Variants in NIPAL4 observed in about 807,000 individuals in gnomAD.
NIPAL4 encodes magnesium transporter NIPA4.
A neutral mutation model predicts 31.6 loss-of-function variants in NIPAL4; 21 were observed. The observed-to-expected ratio is 0.67, with a 90% CI of 0.47 to 0.96. The LOEUF is 0.96. Among genes scored for constraint, NIPAL4 ranks in the 40% least tolerant of loss-of-function variants. The pLI is 0.00. For synonymous variants in NIPAL4, 175 were observed against 211.1 expected (o/e 0.83, Z 1.48); for missense variants, 438 against 508.0 (o/e 0.86, Z 1.32).
chr5:157,472,830 C>A lies in NIPAL4; in HGVS notation c.1085C>A (p.Pro362Gln). ...CASLPHMHKN[P>Q]PPSPAPEPTV... ...AGCTTGCCCCACATGCACAAAAACC[C>A]ACCCCCTTCTCCCGCCCCGGAACCC... Residue 362 changes from proline to glutamine, a missense_variant, in exon 6 of 6, where the codon CCA (proline) becomes CAA (glutamine). Transcript: ENST00000311946. The A allele has an allele frequency of 6.3e-7, 1 of 1,596,182 alleles. No individual in the cohort carries two copies. Among genetic ancestry groups the A allele is most frequent in the Non-Finnish European group, 8.6e-7 (1 of 1,168,300 alleles).
chr5:157,468,831 GCT>G lies in NIPAL4; in HGVS notation c.425+26_425+27del. The G allele has an allele frequency of 6.6e-7, 1 of 1,514,640 alleles. No individual in the cohort carries two copies. Among genetic ancestry groups the G allele is most frequent in the Non-Finnish European group, 9.0e-7 (1 of 1,108,174 alleles). 93.8% of individuals were successfully genotyped at this position (1,514,640 alleles called of 1,614,324 possible). ...TCATAAGGTTATTGTCCCCTCTCTA[GCT>G]CTCTCTTTTTCTATTCCGTTTTCAG... is the stretch of plus-strand genomic sequence containing the variant. On this transcript the variant is annotated intron_variant, in intron 4 of 5. Transcript: ENST00000311946.
rs368885385 is a variant in NIPAL4 at position 157,472,531 on chromosome 5, G to A, written c.786G>A (p.Pro262=). The A allele has an allele frequency of 2.4e-5, 38 of 1,613,670 alleles. No homozygotes were observed. The highest frequency in any genetic ancestry group is 1.6e-4 in the Middle Eastern group (1 of 6,082). The part of the protein sequence containing the change: ...FFQGLPVVRH[P]LPYILSLILA... ...AGGGGCTGCCAGTTGTCCGGCACCC[G>A]CTCCCCTACATCCTGTCCCTCATCC... is the stretch of plus-strand genomic sequence containing the variant. The change falls in exon 6 of 6, where the codon CCG becomes CCA. Residue 262 remains proline, a synonymous_variant. Coordinates refer to ENST00000311946, the MANE Select transcript of NIPAL4 (RefSeq NM_001099287.2).
At chr5:157,464,213 T>C (rs1348151650) in intron 2 of NIPAL4, among the ~76,000 whole-genome samples, 1 of 151,998 alleles carries the variant, frequency 6.6e-6, no homozygotes, top group Non-Finnish European at 1.5e-5. Flanking sequence ...GCAGAAGGAA[T>C]AACACGTGCA....
At chr5:157,466,434 G>A (rs1754274964) in intron 2 of NIPAL4, among the ~76,000 whole-genome samples, 1 of 152,194 alleles carries the variant, frequency 6.6e-6, no homozygotes, top group African/African-American at 2.4e-5. Flanking sequence ...AATCTGATTT[G>A]CATTCTTAAA....
At chr5:157,466,376 C>T (rs755597630) in intron 2 of NIPAL4, among the ~76,000 whole-genome samples, 1 of 152,166 alleles carries the variant, frequency 6.6e-6, no homozygotes, top group Non-Finnish European at 1.5e-5. Flanking sequence ...GGTCTTTATC[C>T]TGAGAGCACT....
At chr5:157,465,656 A>G (rs556425473) in intron 2 of NIPAL4, among the ~76,000 whole-genome samples, 3 of 152,282 alleles carry the variant, frequency 2.0e-5, no homozygotes, top group African/African-American at 7.2e-5. Flanking sequence ...ATCAACTAAA[A>G]TTAAGAACAA....
Position 157,463,341 on chromosome 5 carries a change from C to A in NIPAL4, c.277+8C>A. 6.2e-7 allele frequency: 1 copy of A among 1,602,094 alleles called. No individual in the cohort carries two copies. The highest frequency in any genetic ancestry group is 1.1e-5 in the South Asian group (1 of 89,156). On this transcript the variant is annotated splice_region_variant and intron_variant, in intron 2 of 5. Coordinates refer to ENST00000311946, the MANE Select transcript of NIPAL4 (RefSeq NM_001099287.2). ...CGGGAGCCACTCGAGCTGGTAGGTT[C>A]CTGGGCCAGGAGAGGATAGGGCCCA...
rs1270227960 is a variant in NIPAL4, at chr5:157,462,421, G to A, written c.38-673G>A. 2.0e-5 allele frequency among the ~76,000 whole-genome samples: 3 copies of A among 152,174 alleles called. No homozygotes were observed. In the East Asian group the frequency reaches 5.8e-4, roughly 29 times the overall value. ...TAATCTTAGTGCTTTGGGAGGCTGA[G>A]GCAGGAGGATAGCTTGAGGCTAGGA... On this transcript the variant is annotated intron_variant, in intron 1 of 5. Transcript: ENST00000311946.
intron 1 of NIPAL4, among the ~76,000 whole-genome samples, chr5:157,461,103 G>A (rs199535628): frequency 6.6e-6 from 1 of 152,186 alleles, no homozygotes; most frequent in East Asian, 1.9e-4. Context: ...TGGAACTGCA[G>A]GCTGTGGCAT....
intron 1 of NIPAL4, among the ~76,000 whole-genome samples, chr5:157,460,900 C>G (rs1350030574): frequency 6.6e-6 from 1 of 152,172 alleles, no homozygotes; most frequent in East Asian, 1.9e-4. Flanking sequence ...CTTAAAACAA[C>G]TCTAGAAGGT....
At chr5:157,471,608 T>G (rs1045526445) in intron 4 of NIPAL4, 49 bp from the exon 5 acceptor site, 8 of 1,505,506 alleles carry the variant, frequency 5.3e-6, no homozygotes, top group Non-Finnish European at 7.3e-6. Flanking sequence ...TTTGGGACTC[T>G]GGGACAGGCA....
Position 157,460,230 on chromosome 5 carries a change from C to A in NIPAL4, c.-91C>A. The A allele has an allele frequency of 6.6e-7, 1 of 1,504,422 alleles. No individual in the cohort carries two copies. The highest frequency in any genetic ancestry group is 8.9e-7 in the Non-Finnish European group (1 of 1,129,392). The allele number at this position is 1,504,422 out of a possible 1,614,324, so 93.2% of individuals were successfully genotyped here. A position where few individuals can be genotyped will look rare whatever the true frequency, so the allele number is the denominator to read the frequency against. On this transcript the variant is annotated 5_prime_UTR_variant, in exon 1 of 6. Coordinates refer to ENST00000311946, the MANE Select transcript of NIPAL4 (RefSeq NM_001099287.2). ...ACCCCGGCGGCTTCTCGCGCGCGAG[C>A]CACGCGGGGGACAAGTCGCGGCCAC...
chr5:157,468,175 A>C (rs1337267874), intron 3 of NIPAL4, among the ~76,000 whole-genome samples: 1 of 151,192 alleles, frequency 6.6e-6, no homozygotes, highest in African/African-American at 2.4e-5. Flanking sequence ...TCGGCCTCCC[A>C]AAGTGCTGGG....
rs1754470849 is a variant in NIPAL4 at position 157,472,570 on chromosome 5, C to T, written c.825C>T (p.Leu275=). The T allele has an allele frequency of 6.2e-7, 1 of 1,613,932 alleles. No individual in the cohort carries two copies. Residue 275 remains leucine (L), a synonymous_variant, in exon 6 of 6, where the codon CTC becomes CTT. Coordinates refer to ENST00000311946, the MANE Select transcript of NIPAL4 (RefSeq NM_001099287.2). ...TGTCCCTCATCCTGGCACTGTCCCT[C>T]AGCACTCAGGTCAACTTCCTCAACA... The part of the protein sequence containing the change: ...YILSLILALS[L]STQVNFLNRA...
chr5:157,460,454 C>A, intron 1 of NIPAL4, 97 bp downstream of exon 1: 2 of 1,274,764 alleles, frequency 1.6e-6, no homozygotes, highest in Non-Finnish European at 1.1e-6. Flanking sequence ...CCCAGGGGGG[C>A]CAAAGCTGGG....
rs1754297152 is a variant in NIPAL4 at position 157,467,115 on chromosome 5, T to C, written c.334+10T>C. Reference sequence around the variant, plus strand: ...GCTGGATTTCTCACCAGTAAGTGGGTTGTTTGTTACTAATAACAGTGGCCT... The same window carrying C: ...GCTGGATTTCTCACCAGTAAGTGGGCTGTTTGTTACTAATAACAGTGGCCT... On this transcript the variant is annotated intron_variant, in intron 3 of 5. Transcript: ENST00000311946. The C allele has an allele frequency of 6.2e-7, 1 of 1,607,498 alleles. No homozygotes were observed. Among genetic ancestry groups the C allele is most frequent in the Non-Finnish European group, 8.5e-7 (1 of 1,174,230 alleles).
intron 3 of NIPAL4, 154 bp downstream of exon 3, chr5:157,467,259 A>C (rs937935529): frequency 4.6e-6 from 3 of 657,528 alleles, no homozygotes; most frequent in Non-Finnish European, 8.4e-6. Flanking sequence ...CTTTACAGGG[A>C]GAACATCTTA....
In NIPAL4 at chr5:157,474,049, G is replaced by A. The variant is rs1013629779; in HGVS notation, c.*1089G>A. ...AAACGAGCTCAGGGGTAATTTCTGG[G>A]TTGCAGCCTTAAAGGCTTGGACAGC... On this transcript the variant is annotated 3_prime_UTR_variant, in exon 6 of 6. Transcript: ENST00000311946. 1 of 152,260 alleles carries A rather than the reference G, an allele frequency of 6.6e-6. No individual in the cohort carries two copies. Among genetic ancestry groups the A allele is most frequent in the Non-Finnish European group, 1.5e-5 (1 of 68,110 alleles). The allele number at this position is 152,260 out of a possible 1,614,324, so 9.4% of individuals were successfully genotyped here. A position where few individuals can be genotyped will look rare whatever the true frequency, so the allele number is the denominator to read the frequency against.
chr5:157,467,759 T>C (rs1754317032), intron 3 of NIPAL4: 1 of 154,944 alleles, frequency 6.5e-6, no homozygotes, highest in South Asian at 2.0e-4. Flanking sequence ...CACACAGCTA[T>C]CACATATTGA....
Sources: gnomAD v4.1 joint callset for allele counts (sites outside exome capture counted in the v4.1 genomes callset) on GRCh38, gnomAD v4.1.1 for gene constraint, MANE v1.5 for transcripts, NCBI Gene and HGNC (gene_info 2026-07-23, HGNC 2026-07-21) for gene names.